Variants in CCND2 observed in about 807,000 individuals in gnomAD.
The protein encoded by CCND2 is cyclin D2, also known as G1/S-specific cyclin-D2.
Under a neutral mutation model 30.2 loss-of-function variants are expected in CCND2, and 6 were observed. That is an observed-to-expected ratio of 0.20 (90% CI 0.11 to 0.39). The LOEUF (loss-of-function observed/expected upper bound fraction) is 0.39, where lower values mean the gene tolerates loss of function less well. Among genes scored for constraint, CCND2 ranks in the 10% least tolerant of loss-of-function variants. The pLI is 1.00. For synonymous variants in CCND2, 150 were observed against 153.1 expected (o/e 0.98, Z 0.15); for missense variants, 235 against 373.4 (o/e 0.63, Z 3.06).
chr12:4,303,882 A>T lies in CCND2; in HGVS notation c.*3873A>T, dbSNP rs1222197633. 7 of 233,308 alleles carry T rather than the reference A, an allele frequency of 3.0e-5. No individual in the cohort carries two copies. The highest frequency in any genetic ancestry group is 5.1e-5 in the Non-Finnish European group (6 of 118,082). 14.5% of individuals were successfully genotyped at this position (233,308 alleles called of 1,614,324 possible). ...TACTGGAGGCTCTGTTCTGCCTCTT[A>T]TCAGCCAGGTCAGGGGCACACATGG... On this transcript the variant is annotated 3_prime_UTR_variant, in exon 5 of 5. Transcript: ENST00000261254. This position sits in a 1 kb window ranked among gnomAD's most constrained non-coding sequence, Gnocchi z 4.6.
intron 3 of CCND2, among the ~76,000 whole-genome samples, chr12:4,288,406 A>G (rs539651122): frequency 2.2e-4 from 34 of 151,930 alleles, no homozygotes; most frequent in Non-Finnish European, 4.0e-4. Flanking sequence ...TCCTGCTTGC[A>G]TGGCCCATGG....
In CCND2 at chr12:4,273,788, A is replaced by G. The variant is rs1863818163; in HGVS notation, c.-253A>G. ...GAGCGGAGAAGAGCGAGCAGGGGAG[A>G]GCGAGACCAGTTTTAAGGGGAGGAC... On this transcript the variant is annotated 5_prime_UTR_variant, in exon 1 of 5. Transcript: ENST00000261254. The surrounding 1 kb of genome is among the most constrained non-coding windows in gnomAD (Gnocchi z 5.9). The G allele has an allele frequency of 7.2e-6, 4 of 558,744 alleles. No individual in the cohort carries two copies. The highest frequency in any genetic ancestry group is 3.2e-6 in the Non-Finnish European group (1 of 314,804). The allele number at this position is 558,744 out of a possible 1,614,324, so 34.6% of individuals were successfully genotyped here. A position where few individuals can be genotyped will look rare whatever the true frequency, so the allele number is the denominator to read the frequency against.
chr12:4,300,006 G>T lies in CCND2; in HGVS notation c.867G>T (p.Leu289=). 6.2e-7 allele frequency: 1 copy of T among 1,613,400 alleles called. No homozygotes were observed. The highest frequency in any genetic ancestry group is 1.7e-5 in the Admixed American group (1 of 59,926). The change falls in exon 5 of 5, where the codon CTG becomes CTT. Residue 289 remains leucine (L), a synonymous_variant. Coordinates refer to ENST00000261254, the MANE Select transcript of CCND2 (RefSeq NM_001759.4). ...CTACAGACGTGCGGGATATCGACCT[G>T]TGAGGATGCCAGTTGGGCCGAAAGA... is the stretch of plus-strand genomic sequence containing the variant. ...STPTDVRDID[L]
rs1055035171 is a variant in CCND2, at chr12:4,287,013, C to G, written c.572-1829C>G. On this transcript the variant is annotated intron_variant, in intron 3 of 4. Coordinates refer to ENST00000261254, the MANE Select transcript of CCND2 (RefSeq NM_001759.4). This position sits in a 1 kb window ranked among gnomAD's most constrained non-coding sequence, Gnocchi z 4.0. ...AGGTTATTGGGCAGAGAAACACTCT[C>G]CTGTGACCCATGTGGAAGAGACCTA... Among the ~76,000 whole-genome samples, 6 of 152,200 alleles carry G rather than the reference C, an allele frequency of 3.9e-5. No individual in the cohort carries two copies. The highest frequency in any genetic ancestry group is 8.8e-5 in the Non-Finnish European group (6 of 68,044).
intron 4 of CCND2, among the ~76,000 whole-genome samples, chr12:4,296,031 T>C (rs1864164037): frequency 6.6e-6 from 1 of 152,238 alleles, no homozygotes; most frequent in African/African-American, 2.4e-5. Flanking sequence ...TGTAGGGTTT[T>C]CTCAGAACTG....
chr12:4,284,928 G>T (rs2120549742), intron 3 of CCND2, among the ~76,000 whole-genome samples: 1 of 152,084 alleles, frequency 6.6e-6, no homozygotes, highest in Middle Eastern at 3.4e-3. Flanking sequence ...TACAGACAGG[G>T]TTTCACCGTG....
At chr12:4,294,990 C>A (rs956128393) in intron 4 of CCND2, among the ~76,000 whole-genome samples, 15 of 152,190 alleles carry the variant, frequency 9.9e-5, no homozygotes, top group African/African-American at 3.6e-4. Context: ...TGGGCAAGAC[C>A]CGGGCGATGT....
chr12:4,279,130 G>T (rs762550793), intron 3 of CCND2, among the ~76,000 whole-genome samples: 3 of 152,158 alleles, frequency 2.0e-5, no homozygotes, highest in Admixed American at 6.5e-5. Flanking sequence ...ACTCATAAAT[G>T]GTTTATGAGG....
chr12:4,301,053 CTT>C lies in CCND2; in HGVS notation c.*1047_*1048del. ...ATGCTGAATACTCCTCCCCTCTTCT[CTT>C]TTGCCCCCTCCCTTCCTGCCCCCAG... On this transcript the variant is annotated 3_prime_UTR_variant, in exon 5 of 5. Coordinates refer to ENST00000261254, the MANE Select transcript of CCND2 (RefSeq NM_001759.4). The C allele has an allele frequency of 4.3e-6, 1 of 233,680 alleles. No homozygotes were observed. The highest frequency in any genetic ancestry group is 2.2e-5 in the African/African-American group (1 of 45,424). 14.5% of individuals were successfully genotyped at this position (233,680 alleles called of 1,614,324 possible).
intron 3 of CCND2, among the ~76,000 whole-genome samples, chr12:4,288,237 CTTTT>C (rs56794387): frequency 8.1e-5 from 11 of 136,140 alleles, no homozygotes; most frequent in Non-Finnish European, 9.4e-5. Context: ...TAGATCAAAC[CTTTT>C]TTTTTTTTTT....
chr12:4,294,698 G>A (rs3217892), intron 4 of CCND2, among the ~76,000 whole-genome samples: 4,571 of 152,266 alleles, frequency 0.03, 162 homozygotes, highest in East Asian at 0.18. Context: ...GACAAGCCAC[G>A]TCAACTCTCC....
Position 4,278,863 on chromosome 12 carries a change from A to C in CCND2, c.515A>C (p.Glu172Ala). ...HILRKLPQQR[E>A]KLSLIRKHAQ... is the part of the protein sequence containing the mutation. Reference sequence around the variant, plus strand: ...TTGCGCAAGCTGCCCCAGCAGCGGGAGAAGCTGTCTCTGATCCGCAAGCAT... The same window carrying C: ...TTGCGCAAGCTGCCCCAGCAGCGGGCGAAGCTGTCTCTGATCCGCAAGCAT... Residue 172 changes from glutamate to alanine, a missense_variant, in exon 3 of 5, where the codon GAG becomes GCG. By Grantham distance (107) the Glu-to-Ala change is moderately radical. This residue lies in a region of CCND2 where 178 missense variants were observed against 322.8 expected (regional missense o/e 0.55). Transcript: ENST00000261254. 1 of 1,614,158 alleles carries C rather than the reference A, an allele frequency of 6.2e-7. No homozygotes were observed. Among genetic ancestry groups the C allele is most frequent in the African/African-American group, 1.3e-5 (1 of 75,074 alleles).
At chr12:4,291,669 C>A (rs1185046841) in intron 4 of CCND2, among the ~76,000 whole-genome samples, 1 of 152,144 alleles carries the variant, frequency 6.6e-6, no homozygotes, top group African/African-American at 2.4e-5. Flanking sequence ...TCAGGCCTAA[C>A]GTAGAATGCC....
intron 4 of CCND2, among the ~76,000 whole-genome samples, chr12:4,292,893 C>CCA (rs1197129312): frequency 1.3e-5 from 2 of 152,118 alleles, no homozygotes; most frequent in Non-Finnish European, 2.9e-5. Context: ...CCCCTCTGCA[C>CCA]ACTAGTCGGG....
chr12:4,297,961 G>T, intron 4 of CCND2: 1 of 302,886 alleles, frequency 3.3e-6, no homozygotes, highest in Non-Finnish European at 7.0e-6. Flanking sequence ...AGATTGTCAG[G>T]ATCTTGACAC....
At chr12:4,296,527 C>T (rs761503300) in intron 4 of CCND2, among the ~76,000 whole-genome samples, 1 of 152,264 alleles carries the variant, frequency 6.6e-6, no homozygotes, top group African/African-American at 2.4e-5. Context: ...CGCACACACA[C>T]GCAAGTTCCC....
Position 4,293,347 on chromosome 12 carries a change from T to C in CCND2, c.720+4357T>C, listed in dbSNP as rs1864124956. 6.6e-6 allele frequency among the ~76,000 whole-genome samples: 1 copy of C among 152,260 alleles called. No individual in the cohort carries two copies. The highest frequency in any genetic ancestry group is 2.4e-5 in the African/African-American group (1 of 41,462). On this transcript the variant is annotated intron_variant, in intron 4 of 4. Transcript: ENST00000261254. This position sits in a 1 kb window ranked among gnomAD's most constrained non-coding sequence, Gnocchi z 4.9. ...AGAAAGACTCTAGTCATCTGTTCCT[T>C]ATATTTATCCTTTTTTGTCTAAGTC...
chr12:4,285,485 C>T lies in CCND2; in HGVS notation c.572-3357C>T, dbSNP rs557604349. 6 of 913,638 alleles carry T rather than the reference C, an allele frequency of 6.6e-6. No homozygotes were observed. The highest frequency in any genetic ancestry group is 7.8e-6 in the Non-Finnish European group (6 of 764,394). The allele number at this position is 913,638 out of a possible 1,614,324, so 56.6% of individuals were successfully genotyped here. On this transcript the variant is annotated intron_variant, in intron 3 of 4. Transcript: ENST00000261254. The surrounding 1 kb of genome is among the most constrained non-coding windows in gnomAD (Gnocchi z 4.1). ...TTACGTACAAATTTTACAAACTCAT[C>T]TGTGTTTCTCCCACCTAACAGAACA...
chr12:4,288,008 C>T (rs1864046669), intron 3 of CCND2, among the ~76,000 whole-genome samples: 1 of 152,172 alleles, frequency 6.6e-6, no homozygotes, highest in Non-Finnish European at 1.5e-5. Flanking sequence ...TAAAATGGGG[C>T]CTTCAGTCTC....
Sources: gnomAD v4.1 joint callset for allele counts (sites outside exome capture counted in the v4.1 genomes callset) on GRCh38, gnomAD v4.1.1 for gene constraint, gnomAD v4.1.1 regional missense constraint, Gnocchi (gnomAD v3.1) non-coding constraint, MANE v1.5 for transcripts, NCBI Gene and HGNC (gene_info 2026-07-23, HGNC 2026-07-21) for gene names.